Variants in TIAM2 observed in about 807,000 individuals in gnomAD.
TIAM2 encodes the protein rho guanine nucleotide exchange factor TIAM2.
TIAM2 carries 80 observed loss-of-function variants against 152.9 expected under a neutral mutation model. That is an observed-to-expected ratio of 0.52 (90% CI 0.44 to 0.63). The LOEUF is 0.63. Among genes scored for constraint, TIAM2 ranks in the 30% least tolerant of loss-of-function variants. The pLI is 0.00. For missense variants in TIAM2, 1,965 were observed against 2,120.1 expected (o/e 0.93, Z 1.44); for synonymous variants, 804 against 838.0 (o/e 0.96, Z 0.70).
chr6:155,049,277 G>A (rs1319339888), intron 1 of TIAM2, among the ~76,000 whole-genome samples: 1 of 152,116 alleles, frequency 6.6e-6, no homozygotes, highest in African/African-American at 2.4e-5. Flanking sequence ...ATTGCTGCTT[G>A]TCACCTTCCT....
rs889686073 is a variant in TIAM2 at position 155,121,062 on chromosome 6, A to G, written c.-117-6428A>G. On this transcript the variant is annotated intron_variant, in intron 2 of 26. Transcript: ENST00000682666. ...ATGCTGTAATAATTTGGAGGAATTG[A>G]TCAAAATGAAATGCTAAAACCTAGA... 9.8e-4 allele frequency among the ~76,000 whole-genome samples: 149 copies of G among 152,260 alleles called. 1 individual carries two copies. The highest frequency in any genetic ancestry group is 3.5e-3 in the African/African-American group (144 of 41,552).
At chr6:155,232,098 C>CAA (rs147501283) in intron 15 of TIAM2, among the ~76,000 whole-genome samples, 6 of 136,542 alleles carry the variant, frequency 4.4e-5, no homozygotes, top group African/African-American at 1.5e-4. Flanking sequence ...AAAACAAAAA[C>CAA]AAAAAAAAAC....
At chr6:155,143,939 A>G (rs1460618488) in intron 5 of TIAM2, among the ~76,000 whole-genome samples, 1 of 152,040 alleles carries the variant, frequency 6.6e-6, no homozygotes, top group Non-Finnish European at 1.5e-5. Flanking sequence ...CTTTCTAAGC[A>G]GGAGCTACAG....
intron 2 of TIAM2, among the ~76,000 whole-genome samples, chr6:155,125,564 C>T (rs543128372): frequency 9.2e-5 from 14 of 152,030 alleles, no homozygotes; most frequent in South Asian, 2.1e-4. Context: ...TAGGGCTGGG[C>T]GCGGTGGCTC....
intron 5 of TIAM2, among the ~76,000 whole-genome samples, chr6:155,140,009 C>T (rs766484931): frequency 6.6e-6 from 1 of 152,142 alleles, no homozygotes; most frequent in Admixed American, 6.6e-5. Context: ...ATTTAATTTG[C>T]AGGCCATGTG....
intron 7 of TIAM2, among the ~76,000 whole-genome samples, chr6:155,152,825 TG>T (rs1780007511): frequency 6.6e-6 from 1 of 151,978 alleles, no homozygotes; most frequent in African/African-American, 2.4e-5. Flanking sequence ...TGGTGGTGGG[TG>T]GGGGTTTCTC....
chr6:155,211,262 T>G lies in TIAM2; in HGVS notation c.3123T>G (p.Thr1041=). ...TGLKRSQTDG[T]LDQVSHREKM... is the part of the protein sequence containing the mutation. ...TGAAAAGGAGTCAGACAGATGGCAC[T>G]CTGGATCAGGTTTCCCACAGGGAGA... Residue 1041 remains threonine (T), a synonymous_variant, in exon 15 of 27, where the codon ACT becomes ACG. Coordinates refer to ENST00000682666, the MANE Select transcript of TIAM2 (RefSeq NM_012454.4). The G allele has an allele frequency of 1.2e-6, 2 of 1,613,674 alleles. No individual in the cohort carries two copies. The highest frequency in any genetic ancestry group is 1.7e-4 in the Middle Eastern group (1 of 6,058).
At chr6:155,068,655 C>T (rs1385041878) in intron 1 of TIAM2, among the ~76,000 whole-genome samples, 1 of 144,318 alleles carries the variant, frequency 6.9e-6, no homozygotes, top group South Asian at 2.3e-4. Flanking sequence ...TCGGGTTTCA[C>T]CATGTTGGCC....
Position 155,176,916 on chromosome 6 carries a change from G to A in TIAM2, c.2462G>A (p.Gly821Glu). ...TATGTCCACTTTCAGGACAATCACG[G>A]AGTTACTGTAGGGATCAAGCCAGAG... The part of the protein sequence containing the change: ...QTYVHFQDNH[G>E]VTVGIKPEHR... Residue 821 changes from glycine to glutamate, a missense_variant, in exon 10 of 27, where the codon GGA becomes GAA. Transcript: ENST00000682666. The A allele has an allele frequency of 6.2e-7, 1 of 1,613,980 alleles. No individual in the cohort carries two copies. Among genetic ancestry groups the A allele is most frequent in the South Asian group, 1.1e-5 (1 of 91,062 alleles).
At chr6:155,179,266 A>G (rs1230527158) in intron 11 of TIAM2, 112 bp from the exon 12 acceptor site, 22 of 1,427,182 alleles carry the variant, frequency 1.5e-5, no homozygotes, top group East Asian at 2.3e-5. Flanking sequence ...AACAGTCTCT[A>G]TATAAACGGT....
In TIAM2 at chr6:155,129,876, C is replaced by G; in HGVS notation, c.653C>G (p.Ser218Cys). Residue 218 changes from serine (S) to cysteine (C), a missense_variant, in exon 4 of 27, where the codon TCC (serine) becomes TGC (cysteine). Around this residue, in one of 3 missense-constraint regions of TIAM2, gnomAD observed 1,025 missense variants for 1,119.4 expected, o/e 0.92. Transcript: ENST00000682666. This position sits in a 1 kb window ranked among gnomAD's most constrained non-coding sequence, Gnocchi z 4.8. ...TSPVPEARRG[S>C]SADSLPSHRP... ...CCTGTGCCTGAAGCCAGGAGGGGGT[C>G]CAGCGCCGATTCCCTGCCCAGCCAT... 3 of 1,613,766 alleles carry G rather than the reference C, an allele frequency of 1.9e-6. No homozygotes were observed. Among genetic ancestry groups the G allele is most frequent in the Non-Finnish European group, 2.5e-6 (3 of 1,180,030 alleles).
At chr6:155,120,708 A>C (rs1372023713) in intron 2 of TIAM2, among the ~76,000 whole-genome samples, 1 of 152,196 alleles carries the variant, frequency 6.6e-6, no homozygotes, top group Non-Finnish European at 1.5e-5. Context: ...CTACTGACAT[A>C]TTAGGCCAGA....
chr6:155,108,049 G>C (rs893252608), intron 2 of TIAM2, among the ~76,000 whole-genome samples: 1 of 152,164 alleles, frequency 6.6e-6, no homozygotes, highest in Admixed American at 6.5e-5. Flanking sequence ...GTAAGGGTAC[G>C]GGTGAACAGC....
intron 14 of TIAM2, among the ~76,000 whole-genome samples, chr6:155,201,730 C>G (rs982084492): frequency 6.6e-6 from 1 of 152,134 alleles, no homozygotes; most frequent in Non-Finnish European, 1.5e-5. Flanking sequence ...CTGCCATGTT[C>G]CTTTATGTAT....
At chr6:155,089,641 G>A (rs1472375947) in intron 1 of TIAM2, among the ~76,000 whole-genome samples, 1 of 152,146 alleles carries the variant, frequency 6.6e-6, no homozygotes, top group African/African-American at 2.4e-5. Flanking sequence ...ATTTCTCTAA[G>A]TTCAAATACC....
chr6:155,178,980 A>C, intron 10 of TIAM2, 59 bp from the exon 11 acceptor site: 9 of 1,318,018 alleles, frequency 6.8e-6, no homozygotes, highest in Non-Finnish European at 9.7e-6. Context: ...AAGCCTGCTA[A>C]CCAATGATGG....
chr6:155,139,801 A>G (rs551838682), intron 5 of TIAM2, among the ~76,000 whole-genome samples: 130 of 152,224 alleles, frequency 8.5e-4, no homozygotes, highest in Non-Finnish European at 1.6e-3. Context: ...TTAGCCTGGC[A>G]TGATGGCAGG....
At chr6:155,013,626 G>A (rs1025780141) in intron 1 of TIAM2, 3 of 152,096 alleles carry the variant, frequency 2.0e-5, no homozygotes, top group African/African-American at 7.2e-5. Flanking sequence ...TAGGGAGGGG[G>A]AAGGGCACAG....
intron 2 of TIAM2, among the ~76,000 whole-genome samples, chr6:155,123,795 G>A (rs904894580): frequency 1.1e-4 from 17 of 152,072 alleles, no homozygotes; most frequent in African/African-American, 1.2e-4. Flanking sequence ...AGGAGTGAGC[G>A]GCCGGGAGCC....
Sources: gnomAD v4.1 joint callset for allele counts (sites outside exome capture counted in the v4.1 genomes callset) on GRCh38, gnomAD v4.1.1 for gene constraint, gnomAD v4.1.1 regional missense constraint, Gnocchi (gnomAD v3.1) non-coding constraint, MANE v1.5 for transcripts, NCBI Gene and HGNC (gene_info 2026-07-23, HGNC 2026-07-21) for gene names.